The following DGKI variants were observed in gnomAD, a reference collection of about 807,000 sequenced individuals.
DGKI encodes DAG kinase iota.
A neutral mutation model predicts 147.5 loss-of-function variants in DGKI; 55 were observed. The ratio of observed to expected loss-of-function variants is 0.37; its 90% confidence interval spans 0.30 to 0.47. DGKI has a LOEUF of 0.47. Ranked by LOEUF, DGKI falls within the 20% of genes least tolerant of loss-of-function variation. The pLI is 1.00. For missense variants in DGKI, 1,007 were observed against 1,323.8 expected, an observed-to-expected ratio of 0.76 and a Z score of 3.71; for synonymous variants, 469 against 477.1, an observed-to-expected ratio of 0.98 and a Z score of 0.22.
rs920838867 is a variant in DGKI at position 137,460,602 on chromosome 7, C to A, written c.2735+2887G>T. Among the ~76,000 whole-genome samples the A allele has an allele frequency of 7.2e-5, 11 of 152,134 alleles. 1 individual carries two copies. Among genetic ancestry groups the A allele is most frequent in the East Asian group, 1.9e-4 (1 of 5,198 alleles). On this transcript the variant is annotated intron_variant, in intron 27 of 32. Coordinates refer to ENST00000614521, the MANE Select transcript of DGKI (RefSeq NM_001321708.2). ...TTTTGGAATATTTGCATTATACTTA[C>A]CAGTTGAGCATCCCAAATCCAAATA...
At chr7:137,656,404 C>T (rs957863908) in intron 4 of DGKI, 62 bp downstream of exon 4, 34 of 1,549,158 alleles carry the variant, frequency 2.2e-5, no homozygotes, top group Non-Finnish European at 2.7e-5. Context: ...AAATTTACAC[C>T]GGGCCTCTGA....
intron 30 of DGKI, among the ~76,000 whole-genome samples, chr7:137,399,164 C>T (rs1254296859): frequency 6.6e-6 from 1 of 152,146 alleles, no homozygotes; most frequent in Non-Finnish European, 1.5e-5. Context: ...TGACCTTTGA[C>T]AGAAGGAATG....
chr7:137,632,507 G>A (rs1821155996), intron 6 of DGKI, among the ~76,000 whole-genome samples: 1 of 152,160 alleles, frequency 6.6e-6, no homozygotes, highest in Non-Finnish European at 1.5e-5. Flanking sequence ...AACTGTACAA[G>A]TTGACATGTA....
chr7:137,797,371 A>C (rs1797063971), intron 1 of DGKI, among the ~76,000 whole-genome samples: 1 of 152,190 alleles, frequency 6.6e-6, no homozygotes, highest in African/African-American at 2.4e-5. Context: ...AAAGACCACC[A>C]ATAAAGGTAA....
intron 27 of DGKI, among the ~76,000 whole-genome samples, chr7:137,460,864 T>G (rs1044236089): frequency 6.6e-6 from 1 of 152,336 alleles, no homozygotes; most frequent in African/African-American, 2.4e-5. Context: ...ATCAAGGTGG[T>G]TGGTACATGA....
chr7:137,512,110 A>G (rs982899252), intron 21 of DGKI, among the ~76,000 whole-genome samples: 5 of 152,198 alleles, frequency 3.3e-5, no homozygotes, highest in African/African-American at 1.2e-4. Flanking sequence ...AACTCAAATG[A>G]TGACAAGACC....
intron 3 of DGKI, among the ~76,000 whole-genome samples, chr7:137,664,377 C>CAAAAAAAAAAAAAAAAAAAAAGAAAAA (rs1822557906): frequency 1.8e-5 from 1 of 56,048 alleles, no homozygotes. Flanking sequence ...GACTCCATCT[C>CAAAAAAAAAAAAAAAAAAAAAGAAAAA]AAAAAAAAAA....
intron 20 of DGKI, among the ~76,000 whole-genome samples, chr7:137,542,820 G>A (rs529562606): frequency 6.6e-6 from 1 of 152,290 alleles, no homozygotes; most frequent in Admixed American, 6.5e-5. Flanking sequence ...TCATATGGAA[G>A]AACAACCAGA....
chr7:137,531,232 A>T (rs1260325732), intron 20 of DGKI, among the ~76,000 whole-genome samples: 1 of 152,218 alleles, frequency 6.6e-6, no homozygotes, highest in Admixed American at 6.5e-5. Flanking sequence ...AGATGAAGAA[A>T]AATTAAGAAC....
chr7:137,405,216 A>G (rs2128897476), intron 30 of DGKI, among the ~76,000 whole-genome samples: 1 of 151,312 alleles, frequency 6.6e-6, no homozygotes, highest in East Asian at 2.0e-4. Flanking sequence ...TGCATGGGCT[A>G]TACTTATGTT....
intron 1 of DGKI, among the ~76,000 whole-genome samples, chr7:137,765,186 A>G (rs570832950): frequency 7.9e-5 from 12 of 152,344 alleles, no homozygotes; most frequent in Non-Finnish European, 1.6e-4. Flanking sequence ...TAGTTGCCTC[A>G]GTCAGATTTA....
intron 23 of DGKI, among the ~76,000 whole-genome samples, chr7:137,480,596 G>T (rs1322758612): frequency 6.7e-6 from 1 of 148,304 alleles, no homozygotes; most frequent in Non-Finnish European, 1.5e-5. Context: ...CCAAGAGGTT[G>T]TTTTTTTTTT....
At chr7:137,716,345 G>C (rs1794376019) in intron 1 of DGKI, among the ~76,000 whole-genome samples, 1 of 152,154 alleles carries the variant, frequency 6.6e-6, no homozygotes, top group South Asian at 2.1e-4. Context: ...AATTTCCTAA[G>C]AAAGAGCTTG....
chr7:137,755,123 T>G (rs1482561906), intron 1 of DGKI, among the ~76,000 whole-genome samples: 1 of 152,050 alleles, frequency 6.6e-6, no homozygotes, highest in African/African-American at 2.4e-5. Flanking sequence ...ATAAATTAGG[T>G]ATATATTAGA....
rs554209242 is a variant in DGKI at position 137,741,141 on chromosome 7, C to T, written c.402-51139G>A. 2.6e-5 allele frequency among the ~76,000 whole-genome samples: 4 copies of T among 152,314 alleles called. No individual in the cohort carries two copies. The South Asian group carries it at 8.3e-4, about 32-fold the overall frequency. Reference sequence around the variant, plus strand: ...ATTCAGCTCACCTTTCTTGCCTTTCCACCAAACCAGAAACACCAAAAGGAG... The same window carrying T: ...ATTCAGCTCACCTTTCTTGCCTTTCTACCAAACCAGAAACACCAAAAGGAG... On this transcript the variant is annotated intron_variant, in intron 1 of 32. Transcript: ENST00000614521.
At chr7:137,790,465 A>G (rs1796817691) in intron 1 of DGKI, among the ~76,000 whole-genome samples, 1 of 152,256 alleles carries the variant, frequency 6.6e-6, no homozygotes. Flanking sequence ...GGGTAGGTAC[A>G]ATACTTCCAA....
chr7:137,541,929 T>C (rs1817716473), intron 20 of DGKI, among the ~76,000 whole-genome samples: 1 of 151,816 alleles, frequency 6.6e-6, no homozygotes, highest in Non-Finnish European at 1.5e-5. Flanking sequence ...GGTTTCACTC[T>C]ACAAAAGATA....
At chr7:137,546,253 G>A (rs532252333) in intron 20 of DGKI, among the ~76,000 whole-genome samples, 1 of 152,114 alleles carries the variant, frequency 6.6e-6, no homozygotes, top group Non-Finnish European at 1.5e-5. Flanking sequence ...GGCAGGTCGG[G>A]GGGTGTAGGG....
intron 19 of DGKI, among the ~76,000 whole-genome samples, chr7:137,569,189 T>C (rs1425417366): frequency 6.6e-6 from 1 of 152,050 alleles, no homozygotes; most frequent in East Asian, 1.9e-4. Context: ...GGACAGAGAT[T>C]TTGATCCTAA....
Sources: gnomAD v4.1 joint callset for allele counts (sites outside exome capture counted in the v4.1 genomes callset) on GRCh38, gnomAD v4.1.1 for gene constraint, MANE v1.5 for transcripts, NCBI Gene and HGNC (gene_info 2026-07-23, HGNC 2026-07-21) for gene names.